The following C10orf53 variants were observed in gnomAD, a reference collection of about 807,000 sequenced individuals.
C10orf53 encodes UPF0728 protein C10orf53.
In C10orf53, 8 loss-of-function variants were observed where a neutral mutation model predicts 9.4. The ratio of observed to expected loss-of-function variants is 0.85; its 90% CI spans 0.50 to 1.53. The LOEUF (loss-of-function observed/expected upper bound fraction) is 1.53. Ranked by LOEUF, C10orf53 falls within the 40% of genes most tolerant of loss-of-function variation. The pLI, the probability that C10orf53 is intolerant of heterozygous loss-of-function variation, is 0.00. For synonymous variants in C10orf53, 48 were observed against 46.0 expected, an observed-to-expected ratio of 1.04 and a Z score of -0.18; for missense variants, 117 against 117.8, an observed-to-expected ratio of 0.99 and a Z score of 0.03.
rs41281963 is a variant in C10orf53 at position 49,694,719 on chromosome 10, A to G, written c.*117A>G. 4,137 of 1,533,894 alleles carry G rather than the reference A, an allele frequency of 2.7e-3. 72 individuals carry two copies. In the African/African-American group the frequency reaches 0.042, roughly 16 times the overall value. Reference sequence around the variant, plus strand: ...GACACTGGGCTCTGCTAGTCAGAACAGGGCAACTCGGGCCTGACCTCCAGC... The same window carrying G: ...GACACTGGGCTCTGCTAGTCAGAACGGGGCAACTCGGGCCTGACCTCCAGC... On this transcript the variant is annotated 3_prime_UTR_variant, in exon 3 of 3. Transcript: ENST00000374111.
At position 49,696,759 on chromosome 10, in the gene C10orf53, G is replaced by T. The variant is rs940619666; in HGVS notation, c.*2157G>T. On this transcript the variant is annotated 3_prime_UTR_variant, in exon 3 of 3. Coordinates refer to ENST00000374111, the MANE Select transcript of C10orf53 (RefSeq NM_001042427.3). The stretch of plus-strand genomic sequence containing the variant: ...GAGGTTTCCTCTGAGCAGTGGGATT[G>T]GGGGGTGTGGGGGGCAGGTGAGGTA... Among the ~76,000 whole-genome samples, 2 of 152,186 alleles carry T rather than the reference G, an allele frequency of 1.3e-5. No individual in the cohort carries two copies. Among genetic ancestry groups the T allele is most frequent in the Admixed American group, 6.5e-5 (1 of 15,286 alleles).
Position 49,695,696 on chromosome 10 carries a change from G to A in C10orf53, c.*1094G>A, listed in dbSNP as rs1290171453. The A allele has an allele frequency of 6.6e-6, 1 of 152,208 alleles. No individual in the cohort carries two copies. The highest frequency in any genetic ancestry group is 1.9e-4 in the East Asian group (1 of 5,194). 9.4% of individuals were successfully genotyped at this position (152,208 alleles called of 1,614,324 possible). The stretch of plus-strand genomic sequence containing the variant: ...GCTTGCACAAGTTCCTTCTCACACA[G>A]GACAAAGTAGGGGATATAATTTTTA... On this transcript the variant is annotated 3_prime_UTR_variant, in exon 3 of 3. Transcript: ENST00000374111.
downstream of C10orf53, among the ~76,000 whole-genome samples, chr10:49,699,550 T>C (rs1840665414): frequency 6.6e-6 from 1 of 151,928 alleles, no homozygotes; most frequent in Non-Finnish European, 1.5e-5. Context: ...AACAACCACA[T>C]TTGTAGCCCG....
chr10:49,686,094 G>A (rs1319838735), intron 1 of C10orf53, among the ~76,000 whole-genome samples: 1 of 152,156 alleles, frequency 6.6e-6, no homozygotes, highest in African/African-American at 2.4e-5. Context: ...GGACCAGCTG[G>A]AGCTGAGGCA....
intron 2 of C10orf53, 135 bp from the exon 3 acceptor site, chr10:49,694,403 T>C (rs959272136): frequency 2.5e-6 from 3 of 1,209,714 alleles, no homozygotes; most frequent in East Asian, 2.5e-5. Flanking sequence ...ACTAACACTC[T>C]ATTAAAAACT....
At chr10:49,706,632 A>G (rs2132893570) in intron 2 of C10orf53, among the ~76,000 whole-genome samples, 1 of 152,232 alleles carries the variant, frequency 6.6e-6, no homozygotes. Context: ...CATGATGAAA[A>G]TGTCCTATAA....
At chr10:49,684,432 G>A (rs1262002203) in intron 1 of C10orf53, among the ~76,000 whole-genome samples, 1 of 152,188 alleles carries the variant, frequency 6.6e-6, no homozygotes, top group Non-Finnish European at 1.5e-5. Flanking sequence ...CATTGAATCT[G>A]TATAATCCTT....
chr10:49,693,663 C>G, intron 1 of C10orf53, 111 bp from the exon 2 acceptor site: 1 of 1,342,270 alleles, frequency 7.5e-7, no homozygotes, highest in Non-Finnish European at 1.0e-6. Flanking sequence ...TGAGTGATAC[C>G]CATGAGCAAC....
chr10:49,704,571 T>A (rs547000166), intron 2 of C10orf53, among the ~76,000 whole-genome samples: 1 of 152,188 alleles, frequency 6.6e-6, no homozygotes, highest in Non-Finnish European at 1.5e-5. Flanking sequence ...TGAAACCCTG[T>A]CTCTACTAAA....
chr10:49,690,386 G>C (rs1463485934), intron 1 of C10orf53, among the ~76,000 whole-genome samples: 1 of 152,132 alleles, frequency 6.6e-6, no homozygotes, highest in Non-Finnish European at 1.5e-5. Flanking sequence ...GGCAGAGAGT[G>C]GTACCTTTGC....
In C10orf53 at chr10:49,679,754, A is replaced by G. The variant is rs930101936; in HGVS notation, c.57A>G (p.Leu19=). 1 of 1,546,758 alleles carries G rather than the reference A, an allele frequency of 6.5e-7. No homozygotes were observed. The highest frequency in any genetic ancestry group is 2.0e-5 in the Admixed American group (1 of 50,836). Residue 19 remains leucine, a synonymous_variant, in exon 1 of 3, where the codon CTA becomes CTG. Transcript: ENST00000374111. ...ATGGGCCCTACAGCGCGGCAGGCCTACCGGTGGAGCACCACACCTTCCGCC... is the reference window on the plus strand; with the variant it reads ...ATGGGCCCTACAGCGCGGCAGGCCTGCCGGTGGAGCACCACACCTTCCGCC... ...LRYGPYSAAG[L]PVEHHTFRLQ...
At chr10:49,688,742 C>T (rs1228089164) in intron 1 of C10orf53, among the ~76,000 whole-genome samples, 1 of 152,124 alleles carries the variant, frequency 6.6e-6, no homozygotes, top group East Asian at 1.9e-4. Flanking sequence ...CAGGGCTTCA[C>T]AGCCGCTCCG....
rs750163553 is a variant in C10orf53 at position 49,679,680 on chromosome 10, G to C, written c.-18G>C. On this transcript the variant is annotated 5_prime_UTR_variant, in exon 1 of 3. Coordinates refer to ENST00000374111, the MANE Select transcript of C10orf53 (RefSeq NM_001042427.3). ...GCGTGTGTTTCTCCCTTGCCTCTGC[G>C]GCGGCGGAGGCCTGGCGATGCCCAA... 6.5e-7 allele frequency: 1 copy of C among 1,543,886 alleles called. No homozygotes were observed.
At chr10:49,701,577 G>A (rs750302660), downstream of C10orf53, among the ~76,000 whole-genome samples, 2 of 152,112 alleles carry the variant, frequency 1.3e-5, no homozygotes, top group Admixed American at 1.3e-4. Flanking sequence ...GTTCCTCAAA[G>A]TAAACCATAG....
downstream of C10orf53, among the ~76,000 whole-genome samples, chr10:49,699,899 C>A (rs892602798): frequency 2.0e-5 from 3 of 151,878 alleles, no homozygotes; most frequent in African/African-American, 7.3e-5. Flanking sequence ...GCTCATCCCC[C>A]CCGAGATCAG....
exon 3 of C10orf53, chr10:49,709,534 C>T (rs555994853): frequency 6.6e-6 from 1 of 152,486 alleles, no homozygotes; most frequent in South Asian, 2.1e-4. Context: ...CCTTGAGATC[C>T]TGGTTTCCTC....
Position 49,679,658 on chromosome 10 carries a change from T to G in C10orf53, c.-40T>G, listed in dbSNP as rs561585871. On this transcript the variant is annotated 5_prime_UTR_variant, in exon 1 of 3. Coordinates refer to ENST00000374111, the MANE Select transcript of C10orf53 (RefSeq NM_001042427.3). ...CCGGAAGAGAGGTTGCTTAGCAGCG[T>G]GTGTTTCTCCCTTGCCTCTGCGGCG... 1.4e-4 allele frequency: 219 copies of G among 1,537,402 alleles called. No homozygotes were observed. Among genetic ancestry groups the G allele is most frequent in the Admixed American group, 2.8e-4 (14 of 50,172 alleles).
chr10:49,693,740 C>T, intron 1 of C10orf53, 34 bp from the exon 2 acceptor site: 2 of 1,605,800 alleles, frequency 1.2e-6, no homozygotes, highest in Non-Finnish European at 1.7e-6. Context: ...AAGTCTGACC[C>T]CATGTCACTC....
chr10:49,699,195 T>TTTTTTTTG, downstream of C10orf53, among the ~76,000 whole-genome samples: 1 of 121,182 alleles, frequency 8.3e-6, no homozygotes, highest in African/African-American at 3.1e-5. Context: ...TCAATCTTTT[T>TTTTTTTTG]TTTTTTTTTT....
Sources: gnomAD v4.1 joint callset for allele counts (sites outside exome capture counted in the v4.1 genomes callset) on GRCh38, gnomAD v4.1.1 for gene constraint, MANE v1.5 for transcripts, NCBI Gene and HGNC (gene_info 2026-07-23, HGNC 2026-07-21) for gene names.